GNB4: variants seen among roughly 807,000 people sequenced by gnomAD.
GNB4 encodes the protein G protein subunit beta 4, also known as guanine nucleotide-binding protein subunit beta-4.
In GNB4, 28 loss-of-function variants were observed where a neutral mutation model predicts 45.2. That is an observed-to-expected ratio of 0.62 (90% CI 0.46 to 0.85). GNB4 has a LOEUF of 0.85. Among genes scored for constraint, GNB4 ranks in the 40% least tolerant of loss-of-function variants. The pLI, the probability that GNB4 is intolerant of heterozygous loss-of-function variation, is 0.00. For synonymous variants in GNB4, 132 were observed against 143.7 expected (o/e 0.92, Z 0.58); for missense variants, 321 against 425.4 (o/e 0.75, Z 2.16).
chr3:179,406,594 T>C (rs1450782601), intron 8 of GNB4, among the ~76,000 whole-genome samples: 1 of 152,088 alleles, frequency 6.6e-6, no homozygotes, highest in Non-Finnish European at 1.5e-5. Flanking sequence ...CAACAGGATG[T>C]GTTGGTTTCT....
Position 179,398,924 on chromosome 3 carries a change from G to A in GNB4, c.*2289C>T, listed in dbSNP as rs1714201597. 6.6e-6 allele frequency: 1 copy of A among 152,100 alleles called. No individual in the cohort carries two copies. Among genetic ancestry groups the A allele is most frequent in the South Asian group, 2.1e-4 (1 of 4,822 alleles). 9.4% of individuals were successfully genotyped at this position (152,100 alleles called of 1,614,324 possible). ...AAACTTTAAGAACATTAAAATAAAT[G>A]TAATTTTAAAATATGTTAAGACCAT... On this transcript the variant is annotated 3_prime_UTR_variant, in exon 10 of 10. Coordinates refer to ENST00000232564, the MANE Select transcript of GNB4 (RefSeq NM_021629.4).
chr3:179,425,019 T>C (rs1421251308), intron 2 of GNB4, among the ~76,000 whole-genome samples: 1 of 152,236 alleles, frequency 6.6e-6, no homozygotes, highest in African/African-American at 2.4e-5. Context: ...CTGCTTACCC[T>C]TGTACGTTGC....
At chr3:179,414,304 T>G (rs1335320020) in intron 6 of GNB4, among the ~76,000 whole-genome samples, 1 of 152,214 alleles carries the variant, frequency 6.6e-6, no homozygotes, top group Non-Finnish European at 1.5e-5. Context: ...TGCTTAGCAT[T>G]CATCAGTGTT....
At chr3:179,497,738 C>A in the GNB4 span, among the ~76,000 whole-genome samples, 1 of 151,818 alleles carries the variant, frequency 6.6e-6, no homozygotes, top group East Asian at 1.9e-4. Context: ...GAGCAAAGCA[C>A]CTGAATGGAC....
chr3:179,406,748 G>A (rs1714482366), intron 8 of GNB4, among the ~76,000 whole-genome samples: 1 of 152,078 alleles, frequency 6.6e-6, no homozygotes, highest in Non-Finnish European at 1.5e-5. Flanking sequence ...CAGTAGCTGG[G>A]ATTACAGGCA....
At chr3:179,466,903 T>C in the GNB4 span, among the ~76,000 whole-genome samples, 6 of 152,370 alleles carry the variant, frequency 3.9e-5, no homozygotes, top group South Asian at 1.0e-3. Context: ...ACAATTTAAT[T>C]TGGACAAAGT....
chr3:179,472,891 C>T, the GNB4 span, among the ~76,000 whole-genome samples: 817 of 152,234 alleles, frequency 5.4e-3, 2 homozygotes, highest in Middle Eastern at 0.017. Context: ...TGGCCGGGCG[C>T]GGTGGCTCAC....
rs558625979 is a variant in GNB4 at position 179,397,009 on chromosome 3, C to T, written c.*4204G>A. The T allele has an allele frequency of 2.8e-4, 42 of 152,214 alleles. No homozygotes were observed. The highest frequency in any genetic ancestry group is 1.3e-3 in the Admixed American group (20 of 15,294). 9.4% of individuals were successfully genotyped at this position (152,214 alleles called of 1,614,324 possible). On this transcript the variant is annotated 3_prime_UTR_variant, in exon 10 of 10. Transcript: ENST00000232564. ...TTTTAAAAATTCTAACAGGAGAAAT[C>T]ATTTAAAATTTTGCTTTTTCACAAT...
chr3:179,462,712 C>T, the GNB4 span, among the ~76,000 whole-genome samples: 17 of 151,976 alleles, frequency 1.1e-4, no homozygotes, highest in African/African-American at 4.1e-4. Context: ...GTGGCGCACC[C>T]CTGTAATCCC....
chr3:179,503,350 A>T, the GNB4 span, among the ~76,000 whole-genome samples: 1 of 152,272 alleles, frequency 6.6e-6, no homozygotes, highest in African/African-American at 2.4e-5. Flanking sequence ...GTAATAATGC[A>T]GATACAGCAA....
the GNB4 span, among the ~76,000 whole-genome samples, chr3:179,522,357 G>A: frequency 1.5e-4 from 22 of 141,966 alleles, no homozygotes; most frequent in Admixed American, 8.0e-4. Context: ...CTTATAAAAC[G>A]GCCACACCCC....
chr3:179,418,542 T>C (rs1466040756), intron 4 of GNB4, among the ~76,000 whole-genome samples: 2 of 151,384 alleles, frequency 1.3e-5, no homozygotes, highest in Non-Finnish European at 2.9e-5. Flanking sequence ...TTGCCAATTA[T>C]ATAATTTTAT....
the GNB4 span, among the ~76,000 whole-genome samples, chr3:179,477,701 A>C: frequency 3.3e-5 from 5 of 152,270 alleles, no homozygotes; most frequent in South Asian, 2.1e-4. Context: ...GCGAGACCCT[A>C]TCTCTATTTT....
the GNB4 span, among the ~76,000 whole-genome samples, chr3:179,509,661 T>C: frequency 6.6e-6 from 1 of 151,722 alleles, no homozygotes; most frequent in South Asian, 2.1e-4. Context: ...CTCTTTTTTT[T>C]TTTTTTTCTG....
At chr3:179,479,328 C>T in the GNB4 span, among the ~76,000 whole-genome samples, 1 of 152,144 alleles carries the variant, frequency 6.6e-6, no homozygotes, top group African/African-American at 2.4e-5. Flanking sequence ...ATAATCTTCT[C>T]CCAACATGTT....
rs1013921502 is a variant in GNB4 at position 179,399,014 on chromosome 3, T to C, written c.*2199A>G. ...ACTTTTAAGTAGAGGAGATACTCTC[T>C]TACATATTTAAGGTTATTTTTATGC... On this transcript the variant is annotated 3_prime_UTR_variant, in exon 10 of 10. Coordinates refer to ENST00000232564, the MANE Select transcript of GNB4 (RefSeq NM_021629.4). 1 of 152,206 alleles carries C rather than the reference T, an allele frequency of 6.6e-6. No homozygotes were observed. The highest frequency in any genetic ancestry group is 2.1e-4 in the South Asian group (1 of 4,828). 9.4% of individuals were successfully genotyped at this position (152,206 alleles called of 1,614,324 possible).
the GNB4 span, among the ~76,000 whole-genome samples, chr3:179,475,107 T>G: frequency 6.6e-6 from 1 of 151,726 alleles, no homozygotes; most frequent in Admixed American, 6.6e-5. Context: ...CTTTATTTTA[T>G]TTTTATTTTT....
At chr3:179,448,728 C>T (rs985323251) in intron 1 of GNB4, among the ~76,000 whole-genome samples, 1 of 152,158 alleles carries the variant, frequency 6.6e-6, no homozygotes, top group Non-Finnish European at 1.5e-5. Flanking sequence ...CTGGTTCTCA[C>T]TCCTGTATTT....
chr3:179,400,990 C>G lies in GNB4; in HGVS notation c.*223G>C. ...ATTCACCAAGGTTAAAATAACCCAA[C>G]CCCTCAAATTAATACACTGGTCCTT... is the stretch of plus-strand genomic sequence containing the variant. On this transcript the variant is annotated 3_prime_UTR_variant, in exon 10 of 10. Transcript: ENST00000232564. The G allele has an allele frequency of 2.3e-6, 1 of 426,714 alleles. No homozygotes were observed. The highest frequency in any genetic ancestry group is 2.0e-5 in the African/African-American group (1 of 49,660). 26.4% of individuals were successfully genotyped at this position (426,714 alleles called of 1,614,324 possible).
Sources: gnomAD v4.1 joint callset for allele counts (sites outside exome capture counted in the v4.1 genomes callset) on GRCh38, gnomAD v4.1.1 for gene constraint, MANE v1.5 for transcripts, NCBI Gene and HGNC (gene_info 2026-07-23, HGNC 2026-07-21) for gene names.